The following RPF1 variants were observed in gnomAD, a reference collection of about 807,000 sequenced individuals.
RPF1 encodes ribosome production factor 1 homolog.
RPF1 carries 34 observed loss-of-function variants against 41.9 expected under a neutral mutation model. That is an observed-to-expected ratio of 0.81 (90% CI 0.62 to 1.08). The LOEUF is 1.08. Among genes scored for constraint, RPF1 ranks in the 50% least tolerant of loss-of-function variants. The probability of loss-of-function intolerance (pLI) is 0.00; values close to 1 mark genes in which losing one functional copy is unlikely to be tolerated. For synonymous variants in RPF1, 140 were observed against 148.9 expected, an observed-to-expected ratio of 0.94 and a Z score of 0.43; for missense variants, 425 against 435.2, an observed-to-expected ratio of 0.98 and a Z score of 0.21.
Position 84,483,015 on chromosome 1 carries a change from A to G in RPF1, c.366+20A>G, listed in dbSNP as rs149373797. ...GAAGAGGTAATGTTAGAAGTCTTAA[A>G]TTAGTTTGAATGATCACATATAATT... On this transcript the variant is annotated intron_variant, in intron 3 of 8. Transcript: ENST00000370654. 9 of 1,354,142 alleles carry G rather than the reference A, an allele frequency of 6.6e-6. No individual in the cohort carries two copies. Among genetic ancestry groups the G allele is most frequent in the East Asian group, 4.6e-5 (2 of 43,666 alleles). 83.9% of individuals were successfully genotyped at this position (1,354,142 alleles called of 1,614,324 possible).
At chr1:84,487,560 A>G (rs1005949539) in intron 3 of RPF1, among the ~76,000 whole-genome samples, 6 of 152,032 alleles carry the variant, frequency 3.9e-5, no homozygotes, top group East Asian at 1.9e-4. Flanking sequence ...TTTATTTTCT[A>G]TGGTGTCTTT....
chr1:84,486,454 G>A (rs1428202693), intron 3 of RPF1, among the ~76,000 whole-genome samples: 2 of 151,984 alleles, frequency 1.3e-5, no homozygotes, highest in African/African-American at 4.8e-5. Flanking sequence ...CAGGTGTGGT[G>A]GCGGGCACCT....
chr1:84,487,299 A>G (rs943726627), intron 3 of RPF1, among the ~76,000 whole-genome samples: 1 of 152,192 alleles, frequency 6.6e-6, no homozygotes, highest in African/African-American at 2.4e-5. Context: ...TCCACATTCT[A>G]ACCAACTCAT....
chr1:84,480,474 A>G (rs1681624642), intron 1 of RPF1, among the ~76,000 whole-genome samples: 1 of 152,220 alleles, frequency 6.6e-6, no homozygotes, highest in Admixed American at 6.5e-5. Flanking sequence ...TAAATTTTAG[A>G]AGTATATTTT....
At chr1:84,479,554 G>T in intron 1 of RPF1, 45 bp downstream of exon 1, 1 of 1,576,440 alleles carries the variant, frequency 6.3e-7, no homozygotes, top group Non-Finnish European at 8.7e-7. Flanking sequence ...CGTTGTTCCT[G>T]ACGCTTAGGG....
At position 84,497,693 on chromosome 1, in the gene RPF1, T is replaced by TA. The variant is rs1199422657; in HGVS notation, c.*223_*224insA. ...TAGGTTTCCTTAAACTTAGTTCTCT[T>TA]GTTTTTGGGTAACTGTGAATAATTA... On this transcript the variant is annotated 3_prime_UTR_variant, in exon 9 of 9. Coordinates refer to ENST00000370654, the MANE Select transcript of RPF1 (RefSeq NM_025065.7). The TA allele has an allele frequency of 7.3e-6, 3 of 408,462 alleles. No individual in the cohort carries two copies. Among genetic ancestry groups the TA allele is most frequent in the African/African-American group, 2.1e-5 (1 of 48,112 alleles). 25.3% of individuals were successfully genotyped at this position (408,462 alleles called of 1,614,324 possible).
At chr1:84,480,900 T>A in intron 1 of RPF1, 56 bp from the exon 2 acceptor site, 1 of 926,120 alleles carries the variant, frequency 1.1e-6, no homozygotes, top group Non-Finnish European at 1.7e-6. Flanking sequence ...TCAGTATGTG[T>A]TTGTGATATA....
intron 5 of RPF1, among the ~76,000 whole-genome samples, chr1:84,493,369 C>T (rs1348874651): frequency 6.6e-6 from 1 of 151,414 alleles, no homozygotes; most frequent in Admixed American, 6.6e-5. Context: ...CCTGCAGTCC[C>T]AGCACTTTGG....
chr1:84,492,557 T>A (rs1467295280), intron 5 of RPF1, among the ~76,000 whole-genome samples: 1 of 152,170 alleles, frequency 6.6e-6, no homozygotes, highest in Non-Finnish European at 1.5e-5. Context: ...ATAATACCTA[T>A]CTTTAGAGTT....
At position 84,496,351 on chromosome 1, in the gene RPF1, A is replaced by T. The variant is rs1302550234; in HGVS notation, c.989A>T (p.Glu330Val). 6.2e-7 allele frequency: 1 copy of T among 1,611,578 alleles called. No homozygotes were observed. The highest frequency in any genetic ancestry group is 8.5e-7 in the Non-Finnish European group (1 of 1,178,822). Residue 330 changes from glutamate (E) to valine (V), a missense_variant, in exon 8 of 9, where the codon GAG becomes GTG. Physicochemically the swap from Glu to Val is moderately radical, Grantham distance 121. Coordinates refer to ENST00000370654, the MANE Select transcript of RPF1 (RefSeq NM_025065.7). ...QKGTFDSKYG[E>V]YEWVHKPREM... ...GGAACCTTTGATTCTAAATATGGAG[A>T]GTATGAATGGGTCCATAAGGTATGT... is the stretch of plus-strand genomic sequence containing the variant.
rs1681967010 is a variant in RPF1, at chr1:84,497,654, T to A, written c.*184T>A. On this transcript the variant is annotated 3_prime_UTR_variant, in exon 9 of 9. Transcript: ENST00000370654. ...TTTATGTAGAAAATACAAATAAAAG[T>A]TATTTTGATGGCTTAGGTTTCCTTA... 3 of 466,430 alleles carry A rather than the reference T, an allele frequency of 6.4e-6. No individual in the cohort carries two copies. The highest frequency in any genetic ancestry group is 8.4e-5 in the Admixed American group (2 of 23,944). 28.9% of individuals were successfully genotyped at this position (466,430 alleles called of 1,614,324 possible).
rs1300464753 is a variant in RPF1, at chr1:84,497,523, G to C, written c.*53G>C. ...GCTGAACAGGCCTATCTTGAACTTT[G>C]GTAAATTATTTTTGACAGAATACTC... On this transcript the variant is annotated 3_prime_UTR_variant, in exon 9 of 9. Transcript: ENST00000370654. The C allele has an allele frequency of 6.0e-6, 8 of 1,335,284 alleles. No homozygotes were observed. The highest frequency in any genetic ancestry group is 8.3e-6 in the Non-Finnish European group (8 of 958,956). The allele number at this position is 1,335,284 out of a possible 1,614,324, so 82.7% of individuals were successfully genotyped here. A position where few individuals can be genotyped will look rare whatever the true frequency, so the allele number is the denominator to read the frequency against.
Position 84,496,000 on chromosome 1 carries a change from T to G in RPF1, c.818T>G (p.Phe273Cys), listed in dbSNP as rs1417100167. The change falls in exon 7 of 9, where the codon TTT becomes TGT. Residue 273 changes from phenylalanine (F) to cysteine (C), a missense_variant. Phe to Cys is a radical substitution (Grantham distance 205). Coordinates refer to ENST00000370654, the MANE Select transcript of RPF1 (RefSeq NM_025065.7). ...TCTCTCTTTCCTCATAATCCTCAAT[T>G]TATCGGAAGGCAGGTTGCCACATTC... Reference protein sequence around the residue: ...FASLFPHNPQFIGRQVATFHN... With the variant: ...FASLFPHNPQCIGRQVATFHN... 1.2e-6 allele frequency: 2 copies of G among 1,612,486 alleles called. No homozygotes were observed. The highest frequency in any genetic ancestry group is 2.2e-5 in the South Asian group (2 of 91,020).
At chr1:84,495,224 T>C (rs1386024494) in intron 5 of RPF1, 149 bp from the exon 6 acceptor site, 2 of 570,016 alleles carry the variant, frequency 3.5e-6, no homozygotes, top group Non-Finnish European at 6.1e-6. Flanking sequence ...TTTGATATGG[T>C]AGGAAAATGT....
rs143331290 is a variant in RPF1, at chr1:84,486,109, G to A, written c.366+3114G>A. Among the ~76,000 whole-genome samples the A allele has an allele frequency of 2.0e-3, 312 of 152,220 alleles. 1 individual carries two copies. The highest frequency in any genetic ancestry group is 7.2e-3 in the African/African-American group (298 of 41,540). ...ACAAGCTCCAAGGCAGGAGTGTATC[G>A]AATATGCTTTTTAAGAATAACAAGG... On this transcript the variant is annotated intron_variant, in intron 3 of 8. Coordinates refer to ENST00000370654, the MANE Select transcript of RPF1 (RefSeq NM_025065.7).
Position 84,479,317 on chromosome 1 carries a change from G to A in RPF1, c.36G>A (p.Gly12=). The change falls in exon 1 of 9, where the codon GGG becomes GGA. Residue 12 remains glycine (G), a synonymous_variant. Coordinates refer to ENST00000370654, the MANE Select transcript of RPF1 (RefSeq NM_025065.7). ...CCGGGGATAAGAGCAGCAGCAGCGGGAAGAAAAGTCTAAAACGGAAAGCCG... is the reference window on the plus strand; with the variant it reads ...CCGGGGATAAGAGCAGCAGCAGCGGAAAGAAAAGTCTAAAACGGAAAGCCG... ...AKAGDKSSSS[G]KKSLKRKAAA... 2 of 1,609,672 alleles carry A rather than the reference G, an allele frequency of 1.2e-6. No homozygotes were observed. Among genetic ancestry groups the A allele is most frequent in the Non-Finnish European group, 1.7e-6 (2 of 1,177,796 alleles).
intron 7 of RPF1, 88 bp downstream of exon 7, chr1:84,496,151 A>G (rs959266355): frequency 6.9e-7 from 1 of 1,459,796 alleles, no homozygotes; most frequent in Non-Finnish European, 9.4e-7. Flanking sequence ...TGTAGCAAGT[A>G]TCATACAAGA....
intron 4 of RPF1, 42 bp downstream of exon 4, chr1:84,489,770 C>T (rs1459316791): frequency 9.1e-7 from 1 of 1,098,216 alleles, no homozygotes; most frequent in Non-Finnish European, 1.4e-6. Flanking sequence ...TCTTAATTTT[C>T]TTATTACTTC....
intron 8 of RPF1, among the ~76,000 whole-genome samples, chr1:84,496,956 C>CCGCCTCCCGGGTT (rs1419221403): frequency 2.0e-5 from 3 of 151,954 alleles, no homozygotes; most frequent in Admixed American, 2.0e-4. Flanking sequence ...ACTGCAACCT[C>CCGCCTCCCGGGTT]CACCTCCCGG....
Sources: allele counts gnomAD v4.1 joint callset (sites outside exome capture counted in the v4.1 genomes callset), GRCh38; gene constraint gnomAD v4.1.1; transcripts MANE v1.5; gene names NCBI Gene and HGNC (gene_info 2026-07-23, HGNC 2026-07-21).